APBB2: variants seen among roughly 807,000 people sequenced by gnomAD.
APBB2 encodes Fe65-like 1.
A neutral mutation model predicts 82.5 loss-of-function variants in APBB2; 38 were observed. That is an observed-to-expected ratio of 0.46 (90% confidence interval 0.36 to 0.60). The LOEUF is 0.60. APBB2 is among the 20% of genes least tolerant of loss of function. APBB2 has a pLI of 0.00. For synonymous variants in APBB2, 341 were observed against 368.2 expected (o/e 0.93, Z 0.85); for missense variants, 772 against 972.3 (o/e 0.79, Z 2.74).
chr4:41,019,276 G>C (rs538053059), intron 5 of APBB2, among the ~76,000 whole-genome samples: 1 of 152,262 alleles, frequency 6.6e-6, no homozygotes, highest in East Asian at 1.9e-4. Flanking sequence ...AGTAAAAGTG[G>C]AAACACAAAA....
intron 6 of APBB2, among the ~76,000 whole-genome samples, chr4:40,974,101 C>A (rs908795282): frequency 1.3e-5 from 2 of 152,042 alleles, no homozygotes; most frequent in African/African-American, 2.4e-5. Flanking sequence ...ATCCACCCAC[C>A]TTGGCCTCCA....
chr4:41,213,417 T>C (rs73144310), intron 1 of APBB2, among the ~76,000 whole-genome samples: 2,525 of 152,030 alleles, frequency 0.017, 76 homozygotes, highest in African/African-American at 0.058. Context: ...ACTCAATCCA[T>C]CCAAAAACGT....
At chr4:40,933,723 G>C (rs1481367653) in intron 10 of APBB2, among the ~76,000 whole-genome samples, 1 of 152,230 alleles carries the variant, frequency 6.6e-6, no homozygotes, top group Non-Finnish European at 1.5e-5. Context: ...GAACCGCACA[G>C]GGACGCTGGG....
At position 40,944,141 on chromosome 4, in the gene APBB2, G is replaced by A. The variant is rs1413625417; in HGVS notation, c.1044+724C>T. On this transcript the variant is annotated intron_variant, in intron 7 of 17. Coordinates refer to ENST00000508593, the MANE Select transcript of APBB2 (RefSeq NM_004307.2). ...GGGCAGAAATGCCTGGGTGTCAGGG[G>A]TCAAAAGAAGTCATTACTTAATTGT... 1.1e-4 allele frequency among the ~76,000 whole-genome samples: 16 copies of A among 152,206 alleles called. No individual in the cohort carries two copies. The East Asian group carries it at 1.2e-3, about 11-fold the overall frequency.
intron 2 of APBB2, among the ~76,000 whole-genome samples, chr4:41,134,770 C>T (rs1042675665): frequency 6.6e-6 from 1 of 152,174 alleles, no homozygotes; most frequent in African/African-American, 2.4e-5. Context: ...ACTTGGCAAA[C>T]TGCACATGCA....
At position 41,035,969 on chromosome 4, in the gene APBB2, G is replaced by A. The variant is rs141423957; in HGVS notation, c.-50-2665C>T. Among the ~76,000 whole-genome samples the A allele has an allele frequency of 4.0e-3, 602 of 152,096 alleles. 6 individuals carry two copies. The highest frequency in any genetic ancestry group is 0.014 in the African/African-American group (582 of 41,498). ...AGCCCAGGAGTTTGAGACCAGCCTG[G>A]GCAACACAGCGAGACCCTATCTCTA... On this transcript the variant is annotated intron_variant, in intron 4 of 17. Coordinates refer to ENST00000508593, the MANE Select transcript of APBB2 (RefSeq NM_004307.2).
intron 1 of APBB2, among the ~76,000 whole-genome samples, chr4:41,159,011 G>T (rs1233402199): frequency 6.6e-6 from 1 of 152,092 alleles, no homozygotes; most frequent in Admixed American, 6.5e-5. Flanking sequence ...CTGACTAAAA[G>T]GGTAGCTTTA....
At chr4:41,208,124 C>T (rs768310960) in intron 1 of APBB2, among the ~76,000 whole-genome samples, 1 of 152,202 alleles carries the variant, frequency 6.6e-6, no homozygotes. Context: ...GACAGGGACA[C>T]ATCCCATACC....
At position 41,000,069 on chromosome 4, in the gene APBB2, ATGTGTGTG is replaced by A. The variant is rs779111046; in HGVS notation, c.835+13506_835+13513del. On this transcript the variant is annotated intron_variant, in intron 6 of 17. Coordinates refer to ENST00000508593, the MANE Select transcript of APBB2 (RefSeq NM_004307.2). ...TATGTATATGTATATATATGTGTGT[ATGTGTGTG>A]TGTGTGTGTGTGTGTGTGTGTGTGT... Among the ~76,000 whole-genome samples, 475 of 130,666 alleles carry A rather than the reference ATGTGTGTG, an allele frequency of 3.6e-3. 2 individuals carry two copies. The highest frequency in any genetic ancestry group is 9.7e-3 in the South Asian group (39 of 4,000). 85.7% of individuals were successfully genotyped at this position (130,666 alleles called of 152,430 possible).
At chr4:41,125,144 A>G (rs1308721548) in intron 2 of APBB2, among the ~76,000 whole-genome samples, 2 of 152,210 alleles carry the variant, frequency 1.3e-5, no homozygotes, top group African/African-American at 4.8e-5. Context: ...ACAAGCTACA[A>G]AATTTGCTGA....
chr4:41,173,476 T>C (rs1404494938), intron 1 of APBB2, among the ~76,000 whole-genome samples: 4 of 152,146 alleles, frequency 2.6e-5, no homozygotes, highest in African/African-American at 9.7e-5. Context: ...TGTTAGTTCT[T>C]AGGCAGAAAA....
intron 12 of APBB2, among the ~76,000 whole-genome samples, chr4:40,889,345 G>A (rs1188288659): frequency 6.6e-6 from 1 of 152,214 alleles, no homozygotes; most frequent in African/African-American, 2.4e-5. Context: ...AGCGTTGGTT[G>A]ACAAAGGCTG....
At chr4:41,052,841 G>A (rs79695256) in intron 4 of APBB2, among the ~76,000 whole-genome samples, 5 of 149,340 alleles carry the variant, frequency 3.3e-5, no homozygotes, top group Non-Finnish European at 5.9e-5. Context: ...ATCTCGGCTT[G>A]CAACCTCTGC....
chr4:41,093,354 A>G (rs1456531918), intron 3 of APBB2, among the ~76,000 whole-genome samples: 1 of 152,224 alleles, frequency 6.6e-6, no homozygotes, highest in East Asian at 1.9e-4. Flanking sequence ...AACATAGGCT[A>G]TAACGCTGAA....
chr4:41,214,102 G>A (rs1467603530), intron 1 of APBB2, among the ~76,000 whole-genome samples: 1 of 152,204 alleles, frequency 6.6e-6, no homozygotes, highest in African/African-American at 2.4e-5. Flanking sequence ...GAAGCGGGAG[G>A]GATGGAAGTC....
At position 40,934,633 on chromosome 4, in the gene APBB2, A is replaced by G. The variant is rs1363616745; in HGVS notation, c.1174T>C (p.Tyr392His). The part of the protein sequence containing the change: ...LKEFEGATLR[Y>H]ASLKLRNAPH... ...TCCTACCTGAGTTTCAAAGATGCAT[A>G]GCGTAGGGTTGCTCCTTCAAACTCT... The change falls in exon 9 of 18, where the codon TAT becomes CAT. Residue 392 changes from tyrosine (Y) to histidine (H), a missense_variant. Coordinates refer to ENST00000508593, the MANE Select transcript of APBB2 (RefSeq NM_004307.2). 6.2e-7 allele frequency: 1 copy of G among 1,614,046 alleles called. No homozygotes were observed. The highest frequency in any genetic ancestry group is 1.7e-5 in the Admixed American group (1 of 60,026).
rs777910826 is a variant in APBB2, at chr4:40,832,013, T to TATACAC, written c.1530-1437_1530-1436insGTGTAT. Among the ~76,000 whole-genome samples the TATACAC allele has an allele frequency of 0.061, 8,486 of 138,918 alleles. 467 individuals are homozygous for TATACAC. Among genetic ancestry groups the TATACAC allele is most frequent in the South Asian group, 0.23 (977 of 4,210 alleles). The allele number at this position is 138,918 out of a possible 152,430, so 91.1% of individuals were successfully genotyped here. Reference sequence around the variant, plus strand: ...ACACATATTTATATATTTATTTATATACACACACACACACACACACACACA... The same window carrying TATACAC: ...ACACATATTTATATATTTATTTATATATACACACACACACACACACACACACACACA... On this transcript the variant is annotated intron_variant, in intron 12 of 17. Coordinates refer to ENST00000508593, the MANE Select transcript of APBB2 (RefSeq NM_004307.2). This position sits in a 1 kb window ranked among gnomAD's most constrained non-coding sequence, Gnocchi z 4.8.
intron 4 of APBB2, among the ~76,000 whole-genome samples, chr4:41,046,042 T>G (rs1723299726): frequency 1.3e-5 from 2 of 152,216 alleles, no homozygotes; most frequent in South Asian, 4.1e-4. Context: ...GGTTTGTATA[T>G]GAAGCTGGGT....
intron 1 of APBB2, among the ~76,000 whole-genome samples, chr4:41,155,069 G>C (rs1032195034): frequency 1.3e-5 from 2 of 152,134 alleles, no homozygotes; most frequent in African/African-American, 2.4e-5. Context: ...TAAAATTAAC[G>C]GGTTTGGTCA....
Sources: gnomAD v4.1 joint callset for allele counts (sites outside exome capture counted in the v4.1 genomes callset) on GRCh38, gnomAD v4.1.1 for gene constraint, Gnocchi (gnomAD v3.1) non-coding constraint, MANE v1.5 for transcripts, NCBI Gene and HGNC (gene_info 2026-07-23, HGNC 2026-07-21) for gene names.